BBS9: variants seen among roughly 807,000 people sequenced by gnomAD.
BBS9 encodes the protein Bardet-Biedl syndrome 9.
Under a neutral mutation model 117.7 loss-of-function variants are expected in BBS9, and 89 were observed. That is an observed-to-expected ratio of 0.76 (90% confidence interval 0.64 to 0.90). The LOEUF (loss-of-function observed/expected upper bound fraction) is 0.90, where lower values mean the gene tolerates loss of function less well. BBS9 is among the 40% of genes least tolerant of loss of function. The pLI, the probability that BBS9 is intolerant of heterozygous loss-of-function variation, is 0.00. For synonymous variants in BBS9, 379 were observed against 370.9 expected (o/e 1.02, Z -0.25); for missense variants, 982 against 1,042.2 (o/e 0.94, Z 0.80).
chr7:33,579,987 A>C (rs980700688), intron 21 of BBS9, among the ~76,000 whole-genome samples: 1 of 152,192 alleles, frequency 6.6e-6, no homozygotes, highest in Non-Finnish European at 1.5e-5. Context: ...TTTAATTATT[A>C]GCTGTTTTAA....
chr7:33,318,584 A>C lies in BBS9; in HGVS notation c.1017-17857A>C, dbSNP rs554871471. Among the ~76,000 whole-genome samples the C allele has an allele frequency of 3.0e-3, 459 of 152,260 alleles. 3 individuals carry two copies. The highest frequency in any genetic ancestry group is 5.0e-3 in the Non-Finnish European group (343 of 68,018). On this transcript the variant is annotated intron_variant, in intron 9 of 22. Transcript: ENST00000242067. The stretch of plus-strand genomic sequence containing the variant: ...AAATAAAAATTATTATTTTTTAAAA[A>C]ATATTTTAATTTCCATAGGTTTTTG...
intron 15 of BBS9, among the ~76,000 whole-genome samples, chr7:33,353,990 GT>G (rs1277810162): frequency 6.6e-6 from 1 of 151,872 alleles, no homozygotes. Context: ...AAAATATCAT[GT>G]TATTATTTAA....
intron 5 of BBS9, among the ~76,000 whole-genome samples, chr7:33,229,828 C>T (rs1460771819): frequency 2.0e-5 from 3 of 152,108 alleles, no homozygotes; most frequent in Non-Finnish European, 2.9e-5. Flanking sequence ...TTTTTGGAAA[C>T]CTCCATCCTA....
chr7:33,533,684 A>T, intron 20 of BBS9: 1 of 504,050 alleles, frequency 2.0e-6, no homozygotes, highest in Non-Finnish European at 3.6e-6. Context: ...AACCCTTCTC[A>T]TAGATCTCCA....
chr7:33,325,290 A>G (rs1221189830), intron 9 of BBS9, among the ~76,000 whole-genome samples: 6 of 152,132 alleles, frequency 3.9e-5, no homozygotes, highest in Admixed American at 3.9e-4. Flanking sequence ...TCATTATGTC[A>G]GTTGCATTTT....
At chr7:33,472,323 A>G (rs1043171426) in intron 19 of BBS9, among the ~76,000 whole-genome samples, 1 of 152,220 alleles carries the variant, frequency 6.6e-6, no homozygotes, top group Admixed American at 6.5e-5. Flanking sequence ...ATCATGGAGG[A>G]TTTTATTTGT....
rs185513961 is a variant in BBS9, at chr7:33,175,771, G to C, written c.329-1707G>C. ...TCTCCAGCTGGGGCTCTATAAATTA[G>C]ACTGGCCAAAGACTAATTAACAATA... On this transcript the variant is annotated intron_variant, in intron 4 of 22. Transcript: ENST00000242067. 2.0e-5 allele frequency among the ~76,000 whole-genome samples: 3 copies of C among 152,218 alleles called. No individual in the cohort carries two copies. In the East Asian group the frequency reaches 5.8e-4, roughly 29 times the overall value.
At chr7:33,528,926 GCTT>G (rs370122481) in intron 20 of BBS9, among the ~76,000 whole-genome samples, 1 of 152,324 alleles carries the variant, frequency 6.6e-6, no homozygotes, top group South Asian at 2.1e-4. Context: ...CAAACTTTCT[GCTT>G]CTTACTGTTT....
At chr7:33,413,654 A>T (rs1011270673) in intron 19 of BBS9, among the ~76,000 whole-genome samples, 6 of 146,606 alleles carry the variant, frequency 4.1e-5, no homozygotes, top group Non-Finnish European at 7.5e-5. Flanking sequence ...AGTTGCGTGT[A>T]AAAAAAAAAC....
At chr7:33,600,632 C>T (rs1274078760) in intron 21 of BBS9, among the ~76,000 whole-genome samples, 1 of 152,158 alleles carries the variant, frequency 6.6e-6, no homozygotes, top group Admixed American at 6.5e-5. Flanking sequence ...ATTGCCCACC[C>T]TTGCCACACC....
At chr7:33,441,054 C>G (rs1462671377) in intron 19 of BBS9, among the ~76,000 whole-genome samples, 1 of 151,824 alleles carries the variant, frequency 6.6e-6, no homozygotes, top group Non-Finnish European at 1.5e-5. Context: ...CCGAACACTT[C>G]AACAGAAATA....
chr7:33,319,113 A>T (rs1405657634), intron 9 of BBS9, among the ~76,000 whole-genome samples: 1 of 151,898 alleles, frequency 6.6e-6, no homozygotes, highest in African/African-American at 2.4e-5. Context: ...CAGTGAGCCA[A>T]GATCGCGCCA....
chr7:33,488,086 C>T (rs1843362402), intron 19 of BBS9, among the ~76,000 whole-genome samples: 1 of 152,174 alleles, frequency 6.6e-6, no homozygotes, highest in African/African-American at 2.4e-5. Context: ...AGAGGGCTGT[C>T]ACTCCAGCTT....
chr7:33,225,051 T>C (rs756366615), intron 5 of BBS9, among the ~76,000 whole-genome samples: 13 of 152,212 alleles, frequency 8.5e-5, no homozygotes, highest in Admixed American at 6.5e-4. Context: ...ATAAATGCTT[T>C]GTTGTTTCCC....
At chr7:33,514,949 A>G (rs948913844) in intron 20 of BBS9, among the ~76,000 whole-genome samples, 1 of 152,190 alleles carries the variant, frequency 6.6e-6, no homozygotes, top group Non-Finnish European at 1.5e-5. Context: ...AGGACACTCT[A>G]TATATACATC....
intron 21 of BBS9, among the ~76,000 whole-genome samples, chr7:33,585,927 T>C (rs566401818): frequency 6.6e-6 from 1 of 152,198 alleles, no homozygotes; most frequent in Admixed American, 6.6e-5. Context: ...AACAGGGTCA[T>C]TGGCTCACTG....
At chr7:33,418,654 A>G (rs921355283) in intron 19 of BBS9, among the ~76,000 whole-genome samples, 2 of 152,148 alleles carry the variant, frequency 1.3e-5, no homozygotes, top group Admixed American at 6.5e-5. Flanking sequence ...CTTCACCCCC[A>G]TGGAGAGGGC....
chr7:33,492,399 A>G (rs1482323435), intron 19 of BBS9, among the ~76,000 whole-genome samples: 1 of 152,116 alleles, frequency 6.6e-6, no homozygotes, highest in East Asian at 1.9e-4. Flanking sequence ...AGAAAACTGA[A>G]GCTTAAAGAC....
chr7:33,480,130 A>C (rs73317068), intron 19 of BBS9, among the ~76,000 whole-genome samples: 15,268 of 152,192 alleles, frequency 0.1, 1,220 homozygotes, highest in African/African-American at 0.22. Flanking sequence ...GGAAAGTCTC[A>C]ATAAAGGTTT....
Sources: gnomAD v4.1 joint callset for allele counts (sites outside exome capture counted in the v4.1 genomes callset) on GRCh38, gnomAD v4.1.1 for gene constraint, MANE v1.5 for transcripts, NCBI Gene and HGNC (gene_info 2026-07-23, HGNC 2026-07-21) for gene names.